Variants in LTBP1 observed in about 807,000 individuals in gnomAD.
The protein encoded by LTBP1 is latent-transforming growth factor beta-binding protein 1.
Under a neutral mutation model 207.6 loss-of-function variants are expected in LTBP1, and 129 were observed. The observed-to-expected ratio is 0.62, with a 90% CI of 0.54 to 0.72. The LOEUF is 0.72. Among genes scored for constraint, LTBP1 ranks in the 30% least tolerant of loss-of-function variants. LTBP1 has a pLI of 0.00. For missense variants in LTBP1, 2,281 were observed against 2,217.2 expected (o/e 1.03, Z -0.58); for synonymous variants, 963 against 833.7 (o/e 1.16, Z -2.67).
At chr2:33,365,903 C>G (rs1276805586) in intron 31 of LTBP1, among the ~76,000 whole-genome samples, 2 of 152,120 alleles carry the variant, frequency 1.3e-5, no homozygotes, top group African/African-American at 2.4e-5. Flanking sequence ...CATTCTAGGT[C>G]AAAGTCCAAA....
chr2:33,387,322 G>A (rs746117984), intron 31 of LTBP1, among the ~76,000 whole-genome samples: 5 of 152,198 alleles, frequency 3.3e-5, no homozygotes, highest in African/African-American at 7.2e-5. Context: ...TTAATTCTGC[G>A]TTTTCAAACT....
chr2:33,295,218 A>C (rs1046943269), intron 20 of LTBP1, among the ~76,000 whole-genome samples: 4 of 152,036 alleles, frequency 2.6e-5, no homozygotes, highest in Non-Finnish European at 5.9e-5. Flanking sequence ...TAATCAATGT[A>C]TACGAACTCT....
intron 10 of LTBP1, among the ~76,000 whole-genome samples, chr2:33,248,732 G>A (rs1018379728): frequency 1.3e-5 from 2 of 151,812 alleles, no homozygotes; most frequent in African/African-American, 4.8e-5. Context: ...GATTACAGGC[G>A]TGCGCCACCA....
At chr2:33,082,628 C>T (rs1308957231) in intron 3 of LTBP1, among the ~76,000 whole-genome samples, 9 of 151,624 alleles carry the variant, frequency 5.9e-5, no homozygotes, top group East Asian at 1.9e-4. Flanking sequence ...GGTTTCACCA[C>T]GTTAGCCAGG....
At chr2:33,227,364 T>C (rs898894514) in intron 9 of LTBP1, among the ~76,000 whole-genome samples, 1 of 152,222 alleles carries the variant, frequency 6.6e-6, no homozygotes, top group Non-Finnish European at 1.5e-5. Flanking sequence ...CTAGGAATTA[T>C]AATGTATGTA....
Position 33,315,273 on chromosome 2 carries a change from A to G in LTBP1, c.3730+4A>G, listed in dbSNP as rs1369086234. The G allele has an allele frequency of 1.9e-6, 3 of 1,609,518 alleles. No individual in the cohort carries two copies. ...GCAGATGGCCGTACGTGTGAAGGTA[A>G]GATAAACCATACGAAATCATATTGT... is the stretch of plus-strand genomic sequence containing the variant. On this transcript the variant is annotated splice_donor_region_variant and intron_variant, in intron 24 of 33. Transcript: ENST00000404816.
At chr2:33,254,957 A>G (rs1348669812) in intron 11 of LTBP1, among the ~76,000 whole-genome samples, 1 of 130,108 alleles carries the variant, frequency 7.7e-6, no homozygotes, top group Non-Finnish European at 1.6e-5. Context: ...TTTAAGTTTT[A>G]GGGTACATGT....
chr2:33,295,943 A>C (rs2093866690), intron 20 of LTBP1, among the ~76,000 whole-genome samples: 1 of 152,108 alleles, frequency 6.6e-6, no homozygotes, highest in South Asian at 2.1e-4. Flanking sequence ...GCAACAGTGG[A>C]TCTTGGCCAC....
intron 10 of LTBP1, among the ~76,000 whole-genome samples, chr2:33,247,450 C>A (rs2149840208): frequency 6.6e-6 from 1 of 152,274 alleles, no homozygotes; most frequent in Admixed American, 6.5e-5. Context: ...CAAATTATAG[C>A]CCATGGGAAA....
chr2:33,108,351 C>T (rs919817300), intron 3 of LTBP1, among the ~76,000 whole-genome samples: 2 of 152,078 alleles, frequency 1.3e-5, no homozygotes, highest in African/African-American at 4.8e-5. Flanking sequence ...GTGTTTGTAA[C>T]TTGAGGAATA....
chr2:33,002,941 A>G (rs146201290), intron 2 of LTBP1, among the ~76,000 whole-genome samples: 116 of 152,144 alleles, frequency 7.6e-4, no homozygotes, highest in African/African-American at 2.6e-3. Flanking sequence ...GCCTCCCAAA[A>G]TGCTGGGATT....
intron 4 of LTBP1, among the ~76,000 whole-genome samples, chr2:33,111,241 G>C (rs1423033097): frequency 6.6e-6 from 1 of 152,150 alleles, no homozygotes; most frequent in Non-Finnish European, 1.5e-5. Flanking sequence ...AATTTGTAAA[G>C]CGCTATTGTA....
intron 3 of LTBP1, among the ~76,000 whole-genome samples, chr2:33,030,263 C>T (rs989861931): frequency 1.3e-5 from 2 of 152,138 alleles, no homozygotes; most frequent in South Asian, 4.1e-4. Flanking sequence ...GACATTTTGA[C>T]ATTAGGATGC....
intron 2 of LTBP1, among the ~76,000 whole-genome samples, chr2:32,971,995 C>T (rs1680946489): frequency 6.6e-6 from 1 of 152,060 alleles, no homozygotes; most frequent in Admixed American, 6.6e-5. Flanking sequence ...TTGGTCTGTT[C>T]AGGGTTCCAG....
intron 5 of LTBP1, among the ~76,000 whole-genome samples, chr2:33,138,807 A>G (rs1299608545): frequency 6.6e-6 from 1 of 151,284 alleles, no homozygotes; most frequent in Non-Finnish European, 1.5e-5. Context: ...CACCAATTGA[A>G]TAATTATAAA....
At chr2:33,330,302 G>C (rs1458579622) in intron 24 of LTBP1, among the ~76,000 whole-genome samples, 2 of 151,974 alleles carry the variant, frequency 1.3e-5, no homozygotes, top group Non-Finnish European at 1.5e-5. Flanking sequence ...ATACAATTAT[G>C]TTGTATAAGT....
At chr2:33,121,989 T>C (rs4952342) in intron 4 of LTBP1, among the ~76,000 whole-genome samples, 23,369 of 151,898 alleles carry the variant, frequency 0.15, 2,409 homozygotes, top group East Asian at 0.46. Context: ...GTAAATCGTA[T>C]AATATATGCA....
At chr2:33,189,900 G>A (rs957395865) in intron 7 of LTBP1, among the ~76,000 whole-genome samples, 4 of 151,944 alleles carry the variant, frequency 2.6e-5, no homozygotes, top group Non-Finnish European at 4.4e-5. Context: ...GGTGGCAGGC[G>A]CCTGTAATCC....
At chr2:33,151,046 A>T (rs2083482414) in intron 5 of LTBP1, among the ~76,000 whole-genome samples, 1 of 152,080 alleles carries the variant, frequency 6.6e-6, no homozygotes, top group Non-Finnish European at 1.5e-5. Flanking sequence ...GGTCTCACTT[A>T]CTGTGTTTTC....
Sources: allele counts gnomAD v4.1 joint callset (sites outside exome capture counted in the v4.1 genomes callset), GRCh38; gene constraint gnomAD v4.1.1; transcripts MANE v1.5; gene names NCBI Gene and HGNC (gene_info 2026-07-23, HGNC 2026-07-21).